The following MSI2 variants were observed in gnomAD, a reference collection of about 807,000 sequenced individuals.
The protein encoded by MSI2 is musashi RNA binding protein 2.
MSI2 carries 17 observed loss-of-function variants against 45.6 expected under a neutral mutation model. That is an observed-to-expected ratio of 0.37 (90% CI 0.26 to 0.56). The LOEUF (loss-of-function observed/expected upper bound fraction) is 0.56. MSI2 is among the 20% of genes least tolerant of loss of function. The probability of loss-of-function intolerance (pLI) is 0.77; values close to 1 mark genes in which losing one functional copy is unlikely to be tolerated. For synonymous variants in MSI2, 156 were observed against 158.2 expected (o/e 0.99, Z 0.11); for missense variants, 293 against 444.2 (o/e 0.66, Z 3.06).
chr17:57,401,713 G>A (rs556611792), intron 6 of MSI2, among the ~76,000 whole-genome samples: 25 of 152,286 alleles, frequency 1.6e-4, no homozygotes, highest in African/African-American at 4.8e-4. Context: ...GCAGTTTTGC[G>A]GGCATTTGCT....
At chr17:57,566,200 C>A (rs1456880891) in intron 7 of MSI2, among the ~76,000 whole-genome samples, 1 of 152,146 alleles carries the variant, frequency 6.6e-6, no homozygotes, top group East Asian at 1.9e-4. Flanking sequence ...TGCTCCCATT[C>A]TCAGGGAGCA....
intron 6 of MSI2, among the ~76,000 whole-genome samples, chr17:57,471,880 A>G (rs909590014): frequency 1.3e-5 from 2 of 151,804 alleles, no homozygotes; most frequent in Non-Finnish European, 2.9e-5. Flanking sequence ...AGAGGAGAGG[A>G]GAGGGGAGGG....
chr17:57,383,241 C>T (rs1416370932), intron 5 of MSI2, among the ~76,000 whole-genome samples: 2 of 152,178 alleles, frequency 1.3e-5, no homozygotes, highest in Non-Finnish European at 2.9e-5. Flanking sequence ...CAGATTTTGC[C>T]TAGGAAGAGG....
chr17:57,487,444 T>C (rs771739154), intron 6 of MSI2, among the ~76,000 whole-genome samples: 6 of 152,194 alleles, frequency 3.9e-5, no homozygotes, highest in Non-Finnish European at 7.3e-5. Context: ...TCCCTAGTTG[T>C]ATGTGGTCCC....
At chr17:57,559,423 C>A (rs750075992) in intron 7 of MSI2, among the ~76,000 whole-genome samples, 1 of 152,202 alleles carries the variant, frequency 6.6e-6, no homozygotes, top group Non-Finnish European at 1.5e-5. Context: ...AGCTGCAGCC[C>A]CATTGGCAAT....
chr17:57,660,198 T>C (rs2144709643), intron 11 of MSI2, among the ~76,000 whole-genome samples: 1 of 152,332 alleles, frequency 6.6e-6, no homozygotes, highest in Non-Finnish European at 1.5e-5. Context: ...GTTTTCCTCA[T>C]GGTGGCAAAA....
intron 6 of MSI2, among the ~76,000 whole-genome samples, chr17:57,404,282 A>G (rs1014827518): frequency 6.6e-6 from 1 of 152,166 alleles, no homozygotes; most frequent in Non-Finnish European, 1.5e-5. Flanking sequence ...TGATAACAGC[A>G]TCTGAACTCT....
At position 57,488,422 on chromosome 17, in the gene MSI2, CT is replaced by C. The variant is rs554282647; in HGVS notation, c.406-41250del. Among the ~76,000 whole-genome samples, 397 of 152,250 alleles carry C rather than the reference CT, an allele frequency of 2.6e-3. 2 individuals carry two copies. The highest frequency in any genetic ancestry group is 8.6e-3 in the African/African-American group (359 of 41,532). On this transcript the variant is annotated intron_variant, in intron 6 of 13. Coordinates refer to ENST00000284073, the MANE Select transcript of MSI2 (RefSeq NM_138962.4). The stretch of plus-strand genomic sequence containing the variant: ...CATAGACATATTTAACCCCACCTAC[CT>C]TTTGGGCCAAGTGTTTATGGACTAG...
intron 5 of MSI2, among the ~76,000 whole-genome samples, chr17:57,338,506 A>G (rs1008065146): frequency 6.6e-6 from 1 of 152,180 alleles, no homozygotes; most frequent in African/African-American, 2.4e-5. Flanking sequence ...GTCTCTGTCC[A>G]TGAGACCATA....
chr17:57,361,650 A>G (rs792375), intron 5 of MSI2, among the ~76,000 whole-genome samples: 1,995 of 151,902 alleles, frequency 0.013, 46 homozygotes, highest in African/African-American at 0.045. Context: ...GAGAAAATAT[A>G]TTTACTATTC....
intron 6 of MSI2, among the ~76,000 whole-genome samples, chr17:57,442,793 G>A (rs1180289909): frequency 6.6e-6 from 1 of 152,224 alleles, no homozygotes; most frequent in Non-Finnish European, 1.5e-5. Flanking sequence ...GGCATCTCCT[G>A]CCGGCACGCT....
intron 11 of MSI2, among the ~76,000 whole-genome samples, chr17:57,670,241 C>A (rs1402780976): frequency 6.6e-6 from 1 of 152,236 alleles, no homozygotes. Flanking sequence ...GACTTCCATA[C>A]CTTTTCTAGA....
At chr17:57,431,387 G>T (rs1164073073) in intron 6 of MSI2, among the ~76,000 whole-genome samples, 1 of 152,196 alleles carries the variant, frequency 6.6e-6, no homozygotes, top group Non-Finnish European at 1.5e-5. Flanking sequence ...TGTTAAATGG[G>T]TCGCAGGTGA....
At chr17:57,319,186 T>C (rs1472219928) in intron 5 of MSI2, among the ~76,000 whole-genome samples, 1 of 152,254 alleles carries the variant, frequency 6.6e-6, no homozygotes, top group Non-Finnish European at 1.5e-5. Flanking sequence ...TCAGAAATAG[T>C]GCGACAGGGG....
At chr17:57,537,497 G>A (rs751810763) in intron 7 of MSI2, among the ~76,000 whole-genome samples, 3 of 152,158 alleles carry the variant, frequency 2.0e-5, no homozygotes, top group African/African-American at 2.4e-5. Context: ...ACATGACCTC[G>A]CAAATAACCA....
chr17:57,535,315 C>T (rs1259616741), intron 7 of MSI2, among the ~76,000 whole-genome samples: 2 of 152,188 alleles, frequency 1.3e-5, no homozygotes, highest in African/African-American at 2.4e-5. Flanking sequence ...GAGCCCTGCA[C>T]AGCTGGGTTC....
At chr17:57,567,858 G>C (rs1000032850) in intron 7 of MSI2, among the ~76,000 whole-genome samples, 12 of 152,234 alleles carry the variant, frequency 7.9e-5, no homozygotes, top group African/African-American at 2.9e-4. Context: ...GGGGAAGGGA[G>C]GAGACAGAAG....
chr17:57,537,767 T>A (rs1320905462), intron 7 of MSI2, among the ~76,000 whole-genome samples: 2 of 152,162 alleles, frequency 1.3e-5, no homozygotes, highest in Admixed American at 6.5e-5. Context: ...CACGGAGTAA[T>A]ACAAAGCCCT....
rs1441342482 is a variant in MSI2, at chr17:57,660,357, TAA to T, written c.790+8198_790+8199del. Among the ~76,000 whole-genome samples the T allele has an allele frequency of 5.3e-5, 8 of 152,174 alleles. No homozygotes were observed. The East Asian group carries it at 1.5e-3, about 29-fold the overall frequency. On this transcript the variant is annotated intron_variant, in intron 11 of 13. Coordinates refer to ENST00000284073, the MANE Select transcript of MSI2 (RefSeq NM_138962.4). ...CACTGAGGGTGGGATCCACCCCCTCTAAACCGAATGGCTCTTTACACGGTGGT... is the reference window on the plus strand; with the variant it reads ...CACTGAGGGTGGGATCCACCCCCTCTACCGAATGGCTCTTTACACGGTGGT...
Sources: gnomAD v4.1 joint callset for allele counts (sites outside exome capture counted in the v4.1 genomes callset) on GRCh38, gnomAD v4.1.1 for gene constraint, MANE v1.5 for transcripts, NCBI Gene and HGNC (gene_info 2026-07-23, HGNC 2026-07-21) for gene names.